The following NBEAL1 variants were observed in gnomAD, a reference collection of about 807,000 sequenced individuals.
NBEAL1 encodes neurobeachin like 1.
In NBEAL1, 273 loss-of-function variants were observed where a neutral mutation model predicts 351.3. That is an observed-to-expected ratio of 0.78 (90% CI 0.70 to 0.86). The LOEUF (loss-of-function observed/expected upper bound fraction) is 0.86. Among genes scored for constraint, NBEAL1 ranks in the 40% least tolerant of loss-of-function variants. NBEAL1 has a pLI of 0.00. For synonymous variants in NBEAL1, 1,050 were observed against 1,086.4 expected, an observed-to-expected ratio of 0.97 and a Z score of 0.66; for missense variants, 2,961 against 3,201.3, an observed-to-expected ratio of 0.92 and a Z score of 1.81.
intron 43 of NBEAL1, 35 bp downstream of exon 43, chr2:203,180,547 G>T: frequency 6.4e-7 from 1 of 1,569,798 alleles, no homozygotes; most frequent in Non-Finnish European, 8.6e-7. Flanking sequence ...TGACTAGCAG[G>T]TCCCAATGGA....
chr2:203,167,836 G>GA (rs2064183813), intron 38 of NBEAL1, among the ~76,000 whole-genome samples: 1 of 152,138 alleles, frequency 6.6e-6, no homozygotes, highest in Non-Finnish European at 1.5e-5. Context: ...CTTGGGCCCG[G>GA]CCTTCCTCCC....
chr2:203,099,619 C>G lies in NBEAL1; in HGVS notation c.1186-10C>G, dbSNP rs1019041668. 2 of 1,525,866 alleles carry G rather than the reference C, an allele frequency of 1.3e-6. No individual in the cohort carries two copies. Among genetic ancestry groups the G allele is most frequent in the Non-Finnish European group, 1.8e-6 (2 of 1,132,256 alleles). 94.5% of individuals were successfully genotyped at this position (1,525,866 alleles called of 1,614,324 possible). ...TTGTTAATTTCTTGTTTCCCCTTCC[C>G]CCTCAATAGGTGTTTCAGGGACAAT... On this transcript the variant is annotated splice_polypyrimidine_tract_variant and intron_variant, in intron 11 of 55. Coordinates refer to ENST00000683969, the MANE Select transcript of NBEAL1 (RefSeq NM_001378026.1).
At position 203,219,231 on chromosome 2, in the gene NBEAL1, A is replaced by G. The variant is rs1361721046; in HGVS notation, c.*1877A>G. 4 of 152,048 alleles carry G rather than the reference A, an allele frequency of 2.6e-5. No individual in the cohort carries two copies. Among genetic ancestry groups the G allele is most frequent in the Non-Finnish European group, 5.9e-5 (4 of 67,998 alleles). 9.4% of individuals were successfully genotyped at this position (152,048 alleles called of 1,614,324 possible). Reference sequence around the variant, plus strand: ...TTTTTAAAATACTGATTTTTTTAGAAACTTTTTCTAAATCAAAACCTACTA... The same window carrying G: ...TTTTTAAAATACTGATTTTTTTAGAGACTTTTTCTAAATCAAAACCTACTA... On this transcript the variant is annotated 3_prime_UTR_variant, in exon 56 of 56. Coordinates refer to ENST00000683969, the MANE Select transcript of NBEAL1 (RefSeq NM_001378026.1).
At chr2:203,158,595 A>G (rs1161017921) in intron 36 of NBEAL1, among the ~76,000 whole-genome samples, 3 of 152,164 alleles carry the variant, frequency 2.0e-5, no homozygotes, top group African/African-American at 4.8e-5. Flanking sequence ...GTATAAGTTC[A>G]GTAATACAGT....
chr2:203,190,182 ACACACACACACACACACAC>A, intron 45 of NBEAL1, 91 bp from the exon 46 acceptor site: 2 of 519,086 alleles, frequency 3.9e-6, no homozygotes, highest in Admixed American at 3.1e-5. Flanking sequence ...ACACACACAC[ACACACACACACACACACAC>A]ACACACACCA....
At chr2:203,153,112 A>G (rs969864575) in intron 35 of NBEAL1, among the ~76,000 whole-genome samples, 6 of 151,994 alleles carry the variant, frequency 3.9e-5, no homozygotes, top group African/African-American at 1.4e-4. Context: ...CAGGAGTACC[A>G]ACTTTTAGAT....
intron 46 of NBEAL1, 47 bp from the exon 47 acceptor site, chr2:203,193,748 T>C: frequency 7.8e-7 from 1 of 1,284,920 alleles, no homozygotes; most frequent in Non-Finnish European, 1.1e-6. Flanking sequence ...TAGTGAGAGA[T>C]TAATAACATA....
intron 2 of NBEAL1, among the ~76,000 whole-genome samples, chr2:203,021,465 G>A (rs977209004): frequency 6.6e-6 from 1 of 151,808 alleles, no homozygotes; most frequent in African/African-American, 2.4e-5. Flanking sequence ...GCATGATGGT[G>A]CACACCTGTG....
chr2:203,169,875 A>G, intron 39 of NBEAL1, 24 bp downstream of exon 39: 1 of 1,325,728 alleles, frequency 7.5e-7, no homozygotes, highest in Non-Finnish European at 1.1e-6. Flanking sequence ...ATAGTCTCTA[A>G]TGAACTGTTC....
rs1208544368 is a variant in NBEAL1 at position 203,135,981 on chromosome 2, T to A, written c.4118T>A (p.Phe1373Tyr). Residue 1373 changes from phenylalanine to tyrosine, a missense_variant, in exon 28 of 56, where the codon TTT (phenylalanine) becomes TAT (tyrosine). Phe to Tyr is a conservative substitution (Grantham distance 22). Transcript: ENST00000683969. ...TCTTTAGACTCAAACACACCATTAT[T>A]TCCAGAAGATAGCTCTGTGGGAGAA... ...RHSLDSNTPLFPEDSSVGELS... is the reference protein window; with the variant it reads ...RHSLDSNTPLYPEDSSVGELS... The A allele has an allele frequency of 1.2e-6, 2 of 1,613,778 alleles. No individual in the cohort carries two copies. Among genetic ancestry groups the A allele is most frequent in the Non-Finnish European group, 1.7e-6 (2 of 1,179,860 alleles).
chr2:203,110,964 C>T (rs2062559260), intron 15 of NBEAL1, among the ~76,000 whole-genome samples: 1 of 151,792 alleles, frequency 6.6e-6, no homozygotes, highest in South Asian at 2.1e-4. Context: ...CAGGATTTCA[C>T]CATGTTGGCC....
intron 47 of NBEAL1, among the ~76,000 whole-genome samples, chr2:203,196,035 T>C (rs1396190665): frequency 1.3e-5 from 2 of 152,240 alleles, no homozygotes; most frequent in Non-Finnish European, 2.9e-5. Context: ...TAGGCCTTTC[T>C]GTAACAATGA....
chr2:203,113,819 CTCTTTT>C (rs2062626589), intron 17 of NBEAL1, among the ~76,000 whole-genome samples: 1 of 109,576 alleles, frequency 9.1e-6, no homozygotes, highest in Admixed American at 1.3e-4. Flanking sequence ...TCCTGTGTCT[CTCTTTT>C]TTTTTTTTTT....
intron 12 of NBEAL1, among the ~76,000 whole-genome samples, chr2:203,105,459 C>T (rs1238125456): frequency 6.6e-6 from 1 of 150,506 alleles, no homozygotes; most frequent in East Asian, 2.0e-4. Flanking sequence ...AGCGAGACTC[C>T]ATCTCAAAAA....
intron 2 of NBEAL1, among the ~76,000 whole-genome samples, chr2:203,025,363 C>T (rs2060840073): frequency 6.6e-6 from 1 of 152,072 alleles, no homozygotes; most frequent in South Asian, 2.1e-4. Flanking sequence ...GCTTATAGAC[C>T]TCTGAAAATA....
chr2:203,077,770 A>G lies in NBEAL1; in HGVS notation c.617A>G (p.Glu206Gly). 6.9e-7 allele frequency: 1 copy of G among 1,449,290 alleles called. No individual in the cohort carries two copies. The highest frequency in any genetic ancestry group is 2.3e-5 in the Admixed American group (1 of 42,666). 89.8% of individuals were successfully genotyped at this position (1,449,290 alleles called of 1,614,324 possible). A position where few individuals can be genotyped will look rare whatever the true frequency, so the allele number is the denominator to read the frequency against. The stretch of plus-strand genomic sequence containing the variant: ...TTTACAGAATGTTTTCAGGAAAGTG[A>G]ACATCTCAAGGAAAGTCTTAAATGT... ...PFFYQCFQES[E>G]HLKESLKCCL... Residue 206 changes from glutamate to glycine, a missense_variant, in exon 8 of 56, where the codon GAA becomes GGA. Physicochemically the swap from Glu to Gly is moderately conservative, Grantham distance 98. Transcript: ENST00000683969.
intron 38 of NBEAL1, among the ~76,000 whole-genome samples, chr2:203,167,942 C>G (rs1459873920): frequency 6.6e-6 from 1 of 152,124 alleles, no homozygotes; most frequent in East Asian, 1.9e-4. Flanking sequence ...AGGCGTCTCC[C>G]CTAGTAAAAT....
At chr2:203,065,938 G>A (rs1410192087) in intron 6 of NBEAL1, among the ~76,000 whole-genome samples, 1 of 152,144 alleles carries the variant, frequency 6.6e-6, no homozygotes, top group African/African-American at 2.4e-5. Flanking sequence ...TCTACAAATG[G>A]TATAAGACTA....
At position 203,041,748 on chromosome 2, in the gene NBEAL1, T is replaced by A. The variant is rs2061145198; in HGVS notation, c.52-17T>A. 6.5e-7 allele frequency: 1 copy of A among 1,528,056 alleles called. No homozygotes were observed. Among genetic ancestry groups the A allele is most frequent in the Non-Finnish European group, 8.9e-7 (1 of 1,126,928 alleles). 94.7% of individuals were successfully genotyped at this position (1,528,056 alleles called of 1,614,324 possible). On this transcript the variant is annotated splice_polypyrimidine_tract_variant and intron_variant, in intron 2 of 55. Coordinates refer to ENST00000683969, the MANE Select transcript of NBEAL1 (RefSeq NM_001378026.1). ...CTGATAGGCATACTTAATATTATAATGGTTTTGTTATTTCAGAAAGATCCA... is the reference window on the plus strand; with the variant it reads ...CTGATAGGCATACTTAATATTATAAAGGTTTTGTTATTTCAGAAAGATCCA...
Sources: allele counts gnomAD v4.1 joint callset (sites outside exome capture counted in the v4.1 genomes callset), GRCh38; gene constraint gnomAD v4.1.1; transcripts MANE v1.5; gene names NCBI Gene and HGNC (gene_info 2026-07-23, HGNC 2026-07-21).